Variants in BSN observed in about 807,000 individuals in gnomAD.
BSN encodes bassoon presynaptic cytomatrix protein.
A neutral mutation model predicts 264.8 loss-of-function variants in BSN; 57 were observed. The ratio of observed to expected loss-of-function variants is 0.22; its 90% CI spans 0.17 to 0.27. The LOEUF is 0.27. Among genes scored for constraint, BSN ranks in the 10% least tolerant of loss-of-function variants. The pLI is 1.00. For synonymous variants in BSN, 2,059 were observed against 2,137.3 expected (o/e 0.96, Z 1.01); for missense variants, 4,615 against 5,232.5 (o/e 0.88, Z 3.64).
chr3:49,639,082 C>T (rs558801187), intron 2 of BSN, among the ~76,000 whole-genome samples: 45 of 152,286 alleles, frequency 3.0e-4, no homozygotes, highest in African/African-American at 1.0e-3. Context: ...CCCCTCCCTC[C>T]CAAGAATGAC....
At position 49,605,675 on chromosome 3, in the gene BSN, ATATG is replaced by A. The variant is rs1169484574; in HGVS notation, c.225-19297_225-19294del. Among the ~76,000 whole-genome samples, 16 of 58,778 alleles carry A rather than the reference ATATG, an allele frequency of 2.7e-4. 1 individual carries two copies. The highest frequency in any genetic ancestry group is 9.8e-4 in the Admixed American group (3 of 3,070). 38.6% of individuals were successfully genotyped at this position (58,778 alleles called of 152,430 possible). A position where few individuals can be genotyped will look rare whatever the true frequency, so the allele number is the denominator to read the frequency against. ...ATATTATATATAATATATATTACATATATGTAATATATATTATATATAATATATA... is the reference window on the plus strand; with the variant it reads ...ATATTATATATAATATATATTACATATAATATATATTATATATAATATATA... On this transcript the variant is annotated intron_variant, in intron 1 of 11. Transcript: ENST00000296452.
chr3:49,651,898 T>G lies in BSN; in HGVS notation c.2342T>G (p.Leu781Arg). Residue 781 changes from leucine (L) to arginine (R), a missense_variant, in exon 5 of 12, where the codon CTG becomes CGG. By Grantham distance (102) the Leu-to-Arg change is moderately radical. This residue lies in a region of BSN where 1,197 missense variants were observed against 1,348.0 expected (regional missense o/e 0.89). Coordinates refer to ENST00000296452, the MANE Select transcript of BSN (RefSeq NM_003458.4). This position sits in a 1 kb window ranked among gnomAD's most constrained non-coding sequence, Gnocchi z 5.4. Reference sequence around the variant, plus strand: ...TCTGATGAGGAGCTGGAGGATATCCTGGAGGAAGACGAAGACTCTGCTGAG... The same window carrying G: ...TCTGATGAGGAGCTGGAGGATATCCGGGAGGAAGACGAAGACTCTGCTGAG... The part of the protein sequence containing the change: ...FDSDEELEDI[L>R]EEDEDSAEWR... 6.2e-7 allele frequency: 1 copy of G among 1,613,954 alleles called. No homozygotes were observed. The highest frequency in any genetic ancestry group is 8.5e-7 in the Non-Finnish European group (1 of 1,180,018).
In BSN at chr3:49,574,704, C is replaced by G. The variant is rs377551555; in HGVS notation, c.224+19878C>G. On this transcript the variant is annotated intron_variant, in intron 1 of 11. Coordinates refer to ENST00000296452, the MANE Select transcript of BSN (RefSeq NM_003458.4). ...AGGCTGTAGTGCAGTGGCACAATCT[C>G]GGCTCACTGCAACCTCCACCTCCTG... Among the ~76,000 whole-genome samples the G allele has an allele frequency of 1.2e-4, 17 of 145,872 alleles. No individual in the cohort carries two copies. In the East Asian group the frequency reaches 2.5e-3, roughly 21 times the overall value.
At position 49,636,301 on chromosome 3, in the gene BSN, C is replaced by T. The variant is rs562969427; in HGVS notation, c.634-5967C>T. 2.0e-5 allele frequency among the ~76,000 whole-genome samples: 3 copies of T among 152,090 alleles called. No homozygotes were observed. In the South Asian group the frequency reaches 6.2e-4, roughly 32 times the overall value. ...GCCAGGAGGGGAAGCTGGGCATGAA[C>T]CAAAGGGTCCTGGGGATTTTAAGGA... On this transcript the variant is annotated intron_variant, in intron 2 of 11. Transcript: ENST00000296452.
intron 1 of BSN, among the ~76,000 whole-genome samples, chr3:49,607,107 C>T (rs539575547): frequency 1.3e-5 from 2 of 152,262 alleles, no homozygotes; most frequent in South Asian, 2.1e-4. Flanking sequence ...ACCCTGGTCT[C>T]TCCTCTTTTG....
downstream of BSN, among the ~76,000 whole-genome samples, chr3:49,672,262 G>A (rs2052789061): frequency 6.6e-6 from 1 of 152,064 alleles, no homozygotes; most frequent in Admixed American, 6.5e-5. Context: ...CCTCCAGAGA[G>A]ATACACCATT....
intron 1 of BSN, among the ~76,000 whole-genome samples, chr3:49,580,814 T>C (rs891695423): frequency 1.2e-4 from 18 of 152,142 alleles, no homozygotes; most frequent in Non-Finnish European, 2.4e-4. Flanking sequence ...AAATTTGCCA[T>C]TTTAACCATT....
Position 49,655,501 on chromosome 3 carries a change from C to T in BSN, c.5945C>T (p.Ser1982Phe). The T allele has an allele frequency of 6.2e-7, 1 of 1,605,966 alleles. No individual in the cohort carries two copies. The highest frequency in any genetic ancestry group is 8.5e-7 in the Non-Finnish European group (1 of 1,175,692). The change falls in exon 5 of 12, where the codon TCC becomes TTC. Residue 1982 changes from serine (S) to phenylalanine (F), a missense_variant. Around this residue, in one of 3 missense-constraint regions of BSN, gnomAD observed 3,415 missense variants for 3,866.4 expected, o/e 0.88. Coordinates refer to ENST00000296452, the MANE Select transcript of BSN (RefSeq NM_003458.4). Reference protein sequence around the residue: ...YPQGLPGRLYSSMSDTNLAEA... With the variant: ...YPQGLPGRLYFSMSDTNLAEA... ...CAAGGCCTGCCTGGTAGGCTGTACT[C>T]CTCCATGTCTGACACCAATTTGGCT...
intron 3 of BSN, among the ~76,000 whole-genome samples, chr3:49,648,003 G>C (rs1283679418): frequency 6.6e-6 from 1 of 152,250 alleles, no homozygotes; most frequent in Non-Finnish European, 1.5e-5. Flanking sequence ...GAGCAAGAGG[G>C]CCTGCCAGGC....
At chr3:49,618,001 A>G (rs747020861) in intron 1 of BSN, among the ~76,000 whole-genome samples, 4 of 152,090 alleles carry the variant, frequency 2.6e-5, no homozygotes, top group Non-Finnish European at 5.9e-5. Flanking sequence ...GGGAACTTCT[A>G]TAACCCTGTG....
At chr3:49,616,968 G>A (rs1215218095) in intron 1 of BSN, among the ~76,000 whole-genome samples, 1 of 152,182 alleles carries the variant, frequency 6.6e-6, no homozygotes, top group Non-Finnish European at 1.5e-5. Context: ...GTTCCCAGCA[G>A]CCCTCCTGTG....
intron 1 of BSN, among the ~76,000 whole-genome samples, chr3:49,578,289 G>T (rs541611190): frequency 2.6e-5 from 4 of 152,080 alleles, no homozygotes; most frequent in Non-Finnish European, 5.9e-5. Flanking sequence ...ACTGTGCCTG[G>T]CTAGTTACTC....
intron 1 of BSN, among the ~76,000 whole-genome samples, chr3:49,558,104 A>C (rs532237452): frequency 6.6e-6 from 1 of 152,234 alleles, no homozygotes; most frequent in East Asian, 1.9e-4. Flanking sequence ...AGAAATGTCA[A>C]ATAAGCAGTG....
In BSN at chr3:49,554,677, G is replaced by GGGCCCC. The variant is rs1204153339; in HGVS notation, c.91_96dup (p.Pro31_Gly32dup). The GGGCCCC allele has an allele frequency of 3.2e-4, 324 of 1,018,668 alleles. No individual in the cohort carries two copies. Among genetic ancestry groups the GGGCCCC allele is most frequent in the African/African-American group, 1.3e-3 (72 of 57,430 alleles). 63.1% of individuals were successfully genotyped at this position (1,018,668 alleles called of 1,614,324 possible). A position where few individuals can be genotyped will look rare whatever the true frequency, so the allele number is the denominator to read the frequency against. ...CGCCCGGCGGCGCCGGCCCCGGCCCGGGCCCCGGCCCCGGCCCCGGCGCAG... is the reference window on the plus strand; with the variant it reads ...CGCCCGGCGGCGCCGGCCCCGGCCCGGGCCCCGGCCCCGGCCCCGGCCCCGGCGCAG... On this transcript the variant is annotated inframe_insertion, in exon 1 of 12. Coordinates refer to ENST00000296452, the MANE Select transcript of BSN (RefSeq NM_003458.4).
At chr3:49,631,293 C>T (rs372833875) in intron 2 of BSN, among the ~76,000 whole-genome samples, 1 of 151,962 alleles carries the variant, frequency 6.6e-6, no homozygotes, top group African/African-American at 2.4e-5. Flanking sequence ...TGGTGGCTCA[C>T]ACCTGTAATC....
chr3:49,642,941 C>G lies in BSN; in HGVS notation c.1307C>G (p.Thr436Ser). Residue 436 changes from threonine (T) to serine (S), a missense_variant, in exon 3 of 12, where the codon ACC becomes AGC. Transcript: ENST00000296452. This position sits in a 1 kb window ranked among gnomAD's most constrained non-coding sequence, Gnocchi z 7.0. ...GCCCTGCCGAAAACTGGGGGAACAA[C>G]CAGTCCAAAGCATGGCAGAGCAGAA... is the stretch of plus-strand genomic sequence containing the variant. ...PGALPKTGGTTSPKHGRAEHQ... is the reference protein window; with the variant it reads ...PGALPKTGGTSSPKHGRAEHQ... 1.9e-6 allele frequency: 3 copies of G among 1,614,114 alleles called. No individual in the cohort carries two copies. The highest frequency in any genetic ancestry group is 2.5e-6 in the Non-Finnish European group (3 of 1,180,032).
chr3:49,589,082 A>ATT (rs55919876), intron 1 of BSN, among the ~76,000 whole-genome samples: 1 of 132,456 alleles, frequency 7.5e-6, no homozygotes, highest in Non-Finnish European at 1.6e-5. Flanking sequence ...GCCTGGCTAA[A>ATT]TTTTTTTTTT....
chr3:49,664,599 T>G, intron 9 of BSN, 45 bp downstream of exon 9: 1 of 1,560,088 alleles, frequency 6.4e-7, no homozygotes, highest in Non-Finnish European at 8.7e-7. Flanking sequence ...GCTACTCTGG[T>G]ACAGGCTGGG....
intron 1 of BSN, among the ~76,000 whole-genome samples, chr3:49,569,925 G>A (rs1378150179): frequency 2.0e-5 from 3 of 152,206 alleles, no homozygotes; most frequent in Non-Finnish European, 4.4e-5. Flanking sequence ...TGAGTATTGG[G>A]AAGAGGGCAG....
Sources: allele counts gnomAD v4.1 joint callset (sites outside exome capture counted in the v4.1 genomes callset), GRCh38; gene constraint gnomAD v4.1.1; regional missense constraint gnomAD v4.1.1; non-coding constraint Gnocchi (gnomAD v3.1); transcripts MANE v1.5; gene names NCBI Gene and HGNC (gene_info 2026-07-23, HGNC 2026-07-21).